Variants in LGSN observed in about 807,000 individuals in gnomAD.
LGSN encodes lengsin, lens protein with glutamine synthetase domain.
In LGSN, 21 loss-of-function variants were observed where a neutral mutation model predicts 19.5. The observed-to-expected ratio is 1.07, with a 90% CI of 0.76 to 1.55. The LOEUF (loss-of-function observed/expected upper bound fraction) is 1.55. Among genes scored for constraint, LGSN ranks in the 40% most tolerant of loss-of-function variants. The pLI, the probability that LGSN is intolerant of heterozygous loss-of-function variation, is 0.00. For synonymous variants in LGSN, 257 were observed against 215.6 expected (o/e 1.19, Z -1.68); for missense variants, 673 against 608.5 (o/e 1.11, Z -1.12).
chr6:63,355,314 T>C, the LGSN span, among the ~76,000 whole-genome samples: 1 of 152,352 alleles, frequency 6.6e-6, no homozygotes, highest in East Asian at 1.9e-4. Flanking sequence ...TATTGAGTGC[T>C]GGGCACTGTT....
chr6:63,515,787 G>A, the LGSN span, among the ~76,000 whole-genome samples: 1 of 152,102 alleles, frequency 6.6e-6, no homozygotes, highest in Non-Finnish European at 1.5e-5. Flanking sequence ...AACAAATTAG[G>A]CTTTGTGAAA....
At chr6:63,352,755 TCAAA>T in the LGSN span, among the ~76,000 whole-genome samples, 1 of 152,090 alleles carries the variant, frequency 6.6e-6, no homozygotes, top group Non-Finnish European at 1.5e-5. Flanking sequence ...CATCTGTCTC[TCAAA>T]CAAAGGGATA....
chr6:63,289,102 C>T (rs1767666511), intron 2 of LGSN, among the ~76,000 whole-genome samples: 1 of 152,166 alleles, frequency 6.6e-6, no homozygotes, highest in Non-Finnish European at 1.5e-5. Context: ...TTAGTTTTAC[C>T]TGCTGCTGTT....
At position 63,294,901 on chromosome 6, in the gene LGSN, G is replaced by GTAGT. The variant is rs747906381; in HGVS notation, c.163+8_163+11dup. 4.3e-6 allele frequency: 7 copies of GTAGT among 1,613,486 alleles called. No individual in the cohort carries two copies. In the African/African-American group the frequency reaches 9.3e-5, roughly 22 times the overall value. ...ACCACACCATTTTTGAGGACTCAGA[G>GTAGT]TAGTTAGATACCATTTGAATTGGAC... is the stretch of plus-strand genomic sequence containing the variant. On this transcript the variant is annotated intron_variant, in intron 2 of 3. Coordinates refer to ENST00000370657, the MANE Select transcript of LGSN (RefSeq NM_016571.3).
chr6:63,486,820 TTTATTATTATTATTA>T, the LGSN span, among the ~76,000 whole-genome samples: 1 of 146,170 alleles, frequency 6.8e-6, no homozygotes, highest in Non-Finnish European at 1.5e-5. Flanking sequence ...GTATGTTTAT[TTTATTATTATTATTA>T]TTATTATTAT....
upstream of LGSN, among the ~76,000 whole-genome samples, chr6:63,321,099 G>A (rs922670323): frequency 6.6e-6 from 1 of 152,012 alleles, no homozygotes; most frequent in African/African-American, 2.4e-5. Flanking sequence ...CCAAGAAAAG[G>A]GATTCTATCT....
the LGSN span, among the ~76,000 whole-genome samples, chr6:63,550,042 T>C: frequency 1.4e-4 from 22 of 152,242 alleles, no homozygotes; most frequent in African/African-American, 5.3e-4. Context: ...CTATATGTTA[T>C]ACGTGTCATA....
At chr6:63,396,487 T>A in the LGSN span, 1 of 161,528 alleles carries the variant, frequency 6.2e-6, no homozygotes, top group Non-Finnish European at 1.4e-5. Context: ...GTGTTCTAGA[T>A]GAGGATGGGC....
chr6:63,439,530 A>AT, the LGSN span, among the ~76,000 whole-genome samples: 87 of 151,680 alleles, frequency 5.7e-4, no homozygotes, highest in African/African-American at 2.0e-3. Flanking sequence ...AAAAAAAAAA[A>AT]TTTTTTTAAA....
chr6:63,374,341 C>A, the LGSN span, among the ~76,000 whole-genome samples: 1 of 152,178 alleles, frequency 6.6e-6, no homozygotes, highest in African/African-American at 2.4e-5. Context: ...CTGACATTTT[C>A]TTTGAAATAG....
At chr6:63,394,735 G>A in the LGSN span, among the ~76,000 whole-genome samples, 1 of 152,168 alleles carries the variant, frequency 6.6e-6, no homozygotes, top group East Asian at 1.9e-4. Flanking sequence ...TTGGGGTCTG[G>A]ATCAGGACCC....
At chr6:63,492,212 T>C in the LGSN span, among the ~76,000 whole-genome samples, 1 of 152,172 alleles carries the variant, frequency 6.6e-6, no homozygotes, top group Non-Finnish European at 1.5e-5. Context: ...GTGCATAACT[T>C]CCTTAAATCA....
the LGSN span, among the ~76,000 whole-genome samples, chr6:63,462,385 C>A: frequency 6.6e-6 from 1 of 152,256 alleles, no homozygotes; most frequent in East Asian, 1.9e-4. Flanking sequence ...GTAATCCCAG[C>A]ACTTTGGGAG....
the LGSN span, among the ~76,000 whole-genome samples, chr6:63,560,684 G>A: frequency 5.9e-5 from 9 of 152,118 alleles, no homozygotes; most frequent in Middle Eastern, 3.2e-3. Context: ...GATTACAGGT[G>A]TGAGCCACCG....
intron 1 of LGSN, among the ~76,000 whole-genome samples, chr6:63,296,784 T>C (rs1216121769): frequency 6.6e-6 from 1 of 152,108 alleles, no homozygotes; most frequent in Non-Finnish European, 1.5e-5. Context: ...CTTAAGTTAA[T>C]AAAATCTCAC....
chr6:63,407,336 C>T, the LGSN span, among the ~76,000 whole-genome samples: 1 of 152,098 alleles, frequency 6.6e-6, no homozygotes, highest in Non-Finnish European at 1.5e-5. Flanking sequence ...CCACCATGAT[C>T]AAGTGGGCTT....
the LGSN span, among the ~76,000 whole-genome samples, chr6:63,479,477 C>T: frequency 7.2e-5 from 11 of 151,834 alleles, no homozygotes; most frequent in African/African-American, 9.7e-5. Context: ...CAGTGGGTCA[C>T]GCCTATAATC....
the LGSN span, among the ~76,000 whole-genome samples, chr6:63,496,933 G>A: frequency 2.0e-5 from 3 of 152,064 alleles, no homozygotes; most frequent in Admixed American, 2.0e-4. Flanking sequence ...GCAACCACAT[G>A]GATGTTAAGA....
the LGSN span, among the ~76,000 whole-genome samples, chr6:63,529,081 C>T: frequency 1.4e-5 from 2 of 144,062 alleles, no homozygotes; most frequent in African/African-American, 5.4e-5. Flanking sequence ...AAGAGCGAAA[C>T]TCCATCTCAA....
Sources: gnomAD v4.1 joint callset for allele counts (sites outside exome capture counted in the v4.1 genomes callset) on GRCh38, gnomAD v4.1.1 for gene constraint, MANE v1.5 for transcripts, NCBI Gene and HGNC (gene_info 2026-07-23, HGNC 2026-07-21) for gene names.